CDK5RAP1: variants seen among roughly 807,000 people sequenced by gnomAD.
CDK5RAP1 encodes mitochondrial tRNA methylthiotransferase CDK5RAP1.
A neutral mutation model predicts 64.5 loss-of-function variants in CDK5RAP1; 62 were observed. That is an observed-to-expected ratio of 0.96 (90% CI 0.78 to 1.19). The LOEUF is 1.19. CDK5RAP1 is among the 50% of genes most tolerant of loss of function. The probability of loss-of-function intolerance (pLI) is 0.00; values close to 1 mark genes in which losing one functional copy is unlikely to be tolerated. For synonymous variants in CDK5RAP1, 250 were observed against 261.9 expected, an observed-to-expected ratio of 0.95 and a Z score of 0.44; for missense variants, 657 against 735.0, an observed-to-expected ratio of 0.89 and a Z score of 1.23.
At chr20:33,385,922 A>C in intron 6 of CDK5RAP1, 152 bp from the exon 7 acceptor site, 1 of 660,500 alleles carries the variant, frequency 1.5e-6, no homozygotes, top group East Asian at 2.8e-5. Context: ...TAAGCACTAA[A>C]GTAGACCTTT....
chr20:33,374,765 G>A (rs997970485), intron 8 of CDK5RAP1, among the ~76,000 whole-genome samples: 2 of 151,712 alleles, frequency 1.3e-5, no homozygotes, highest in African/African-American at 4.8e-5. Context: ...TGTTGCCCAG[G>A]CTGGACTAGA....
chr20:33,375,992 C>T (rs528965196), intron 8 of CDK5RAP1, among the ~76,000 whole-genome samples: 47 of 152,282 alleles, frequency 3.1e-4, no homozygotes, highest in East Asian at 1.2e-3. Context: ...CAAGTAACTA[C>T]GACTACAGGC....
At chr20:33,364,650 C>T (rs913402531) in intron 12 of CDK5RAP1, among the ~76,000 whole-genome samples, 1 of 151,992 alleles carries the variant, frequency 6.6e-6, no homozygotes, top group African/African-American at 2.4e-5. Flanking sequence ...TCTCGGCTCA[C>T]CATAACCTCC....
At chr20:33,400,148 G>C (rs996343066) in intron 1 of CDK5RAP1, among the ~76,000 whole-genome samples, 1 of 152,238 alleles carries the variant, frequency 6.6e-6, no homozygotes, top group Non-Finnish European at 1.5e-5. Flanking sequence ...CCAATCTGAC[G>C]GGAGGCAGAG....
chr20:33,387,372 C>T lies in CDK5RAP1; in HGVS notation c.706G>A (p.Ala236Thr). The T allele has an allele frequency of 6.2e-7, 1 of 1,614,136 alleles. No homozygotes were observed. Among genetic ancestry groups the T allele is most frequent in the South Asian group, 1.1e-5 (1 of 91,084 alleles). The part of the protein sequence containing the change: ...NVLLSLDETY[A>T]DVMPVQTSAS... Reference sequence around the variant, plus strand: ...CTTGTCTGGACTGGCATGACATCAGCATAGGTCTCGTCCAGAGAGAGCAGC... The same window carrying T: ...CTTGTCTGGACTGGCATGACATCAGTATAGGTCTCGTCCAGAGAGAGCAGC... Residue 236 changes from alanine to threonine, a missense_variant, in exon 6 of 14, where the codon GCT becomes ACT. Coordinates refer to ENST00000346416, the MANE Select transcript of CDK5RAP1 (RefSeq NM_016408.4).
chr20:33,397,841 A>C (rs147340946), intron 1 of CDK5RAP1, among the ~76,000 whole-genome samples: 133 of 152,208 alleles, frequency 8.7e-4, no homozygotes, highest in African/African-American at 3.0e-3. Flanking sequence ...AAAATACAAA[A>C]GTTAGCCAGA....
intron 6 of CDK5RAP1, among the ~76,000 whole-genome samples, chr20:33,386,588 C>A (rs985279724): frequency 2.0e-5 from 3 of 152,088 alleles, no homozygotes; most frequent in South Asian, 2.1e-4. Flanking sequence ...GAAGTTAAAT[C>A]GCTCTCTTTA....
chr20:33,387,588 G>C (rs1987614467), intron 5 of CDK5RAP1, 55 bp from the exon 6 acceptor site: 11 of 1,398,970 alleles, frequency 7.9e-6, no homozygotes. Flanking sequence ...GTGTTTAATG[G>C]CTTCTTCTTA....
At chr20:33,374,881 C>T (rs1307036276) in intron 8 of CDK5RAP1, among the ~76,000 whole-genome samples, 2 of 151,242 alleles carry the variant, frequency 1.3e-5, no homozygotes, top group Non-Finnish European at 2.9e-5. Context: ...AAGATACCAT[C>T]AGGTCAGGTG....
At position 33,385,686 on chromosome 20, in the gene CDK5RAP1, G is replaced by A. The variant is rs187643569; in HGVS notation, c.840C>T (p.Ala280=). 3.1e-6 allele frequency: 5 copies of A among 1,614,150 alleles called. No individual in the cohort carries two copies. The African/African-American group carries it at 6.7e-5, about 22-fold the overall frequency. Residue 280 remains alanine (A), a synonymous_variant, in exon 7 of 14, where the codon GCC becomes GCT. Coordinates refer to ENST00000346416, the MANE Select transcript of CDK5RAP1 (RefSeq NM_016408.4). ...GCTTCTTCACTTCCTCTAGAATGGA[G>A]GCAATAGGCCGACTCCTCTCCCTGC... ...TRGRERSRPI[A]SILEEVKKLS...
intron 11 of CDK5RAP1, among the ~76,000 whole-genome samples, chr20:33,368,459 ATTTTTTTTTT>A (rs35954744): frequency 1.8e-4 from 12 of 67,608 alleles, no homozygotes; most frequent in Admixed American, 1.1e-3. Flanking sequence ...CTCTCGGCTA[ATTTTTTTTTT>A]TTTTTTTTTT....
At position 33,367,758 on chromosome 20, in the gene CDK5RAP1, A is replaced by G. The variant is rs188981751; in HGVS notation, c.1393-750T>C. On this transcript the variant is annotated intron_variant, in intron 11 of 13. Coordinates refer to ENST00000346416, the MANE Select transcript of CDK5RAP1 (RefSeq NM_016408.4). Reference sequence around the variant, plus strand: ...GAATTTATCCTTAAAACACCTTTAAATCATCCAAAACCACAGTGTGTATTA... The same window carrying G: ...GAATTTATCCTTAAAACACCTTTAAGTCATCCAAAACCACAGTGTGTATTA... 8.3e-4 allele frequency among the ~76,000 whole-genome samples: 127 copies of G among 152,372 alleles called. 1 individual carries two copies. Among genetic ancestry groups the G allele is most frequent in the Non-Finnish European group, 7.3e-5 (5 of 68,046 alleles).
chr20:33,390,851 T>C lies in CDK5RAP1; in HGVS notation c.544+1291A>G, dbSNP rs532922573. ...TAATTTAACTATTCCACAATGGAGA[T>C]AGTCTGTTTTTCCATAATGTTAAAT... On this transcript the variant is annotated intron_variant, in intron 5 of 13. Coordinates refer to ENST00000346416, the MANE Select transcript of CDK5RAP1 (RefSeq NM_016408.4). Among the ~76,000 whole-genome samples the C allele has an allele frequency of 3.9e-5, 6 of 152,270 alleles. No homozygotes were observed. The South Asian group carries it at 8.3e-4, about 21-fold the overall frequency.
chr20:33,371,940 C>T (rs1348794726), intron 10 of CDK5RAP1, among the ~76,000 whole-genome samples: 1 of 152,124 alleles, frequency 6.6e-6, no homozygotes, highest in Non-Finnish European at 1.5e-5. Flanking sequence ...CTAAAATTTA[C>T]AGTAATAAGT....
At chr20:33,392,902 A>G (rs938984465) in intron 4 of CDK5RAP1, among the ~76,000 whole-genome samples, 5 of 144,932 alleles carry the variant, frequency 3.4e-5, no homozygotes, top group Non-Finnish European at 6.0e-5. Context: ...TTTTTTTGAG[A>G]TGGAGTCTCG....
intron 5 of CDK5RAP1, 28 bp downstream of exon 5, chr20:33,392,114 C>T (rs752068438): frequency 1.4e-6 from 2 of 1,421,972 alleles, no homozygotes. Context: ...AGTTTCAAAG[C>T]TGACAAAATG....
intron 11 of CDK5RAP1, among the ~76,000 whole-genome samples, chr20:33,369,138 CAAAA>C (rs1173731537): frequency 1.5e-5 from 2 of 130,986 alleles, no homozygotes; most frequent in African/African-American, 2.8e-5. Flanking sequence ...GACTCTGTCT[CAAAA>C]AAAAAAAGAA....
intron 6 of CDK5RAP1, among the ~76,000 whole-genome samples, chr20:33,386,727 G>T (rs561058701): frequency 4.2e-5 from 6 of 141,642 alleles, no homozygotes; most frequent in South Asian, 2.3e-4. Context: ...TCCAACAAGA[G>T]AATATTATAT....
Position 33,392,213 on chromosome 20 carries a change from C to T in CDK5RAP1, c.473G>A (p.Arg158His), listed in dbSNP as rs774897163. The T allele has an allele frequency of 1.5e-5, 24 of 1,613,672 alleles. No homozygotes were observed. The highest frequency in any genetic ancestry group is 1.9e-5 in the Non-Finnish European group (23 of 1,179,738). The change falls in exon 5 of 14, where the codon CGT (arginine) becomes CAT (histidine). Residue 158 changes from arginine to histidine, a missense_variant. Transcript: ENST00000346416. Reference protein sequence around the residue: ...REKAEQTIWNRLHQLKALKTR... With the variant: ...REKAEQTIWNHLHQLKALKTR... Reference sequence around the variant, plus strand: ...CTTCAAGGCTTTAAGCTGATGTAAACGGTTCCAGATGGTCTGCTCAGCCTT... The same window carrying T: ...CTTCAAGGCTTTAAGCTGATGTAAATGGTTCCAGATGGTCTGCTCAGCCTT...
Sources: gnomAD v4.1 joint callset for allele counts (sites outside exome capture counted in the v4.1 genomes callset) on GRCh38, gnomAD v4.1.1 for gene constraint, MANE v1.5 for transcripts, NCBI Gene and HGNC (gene_info 2026-07-23, HGNC 2026-07-21) for gene names.